The following RRAD variants were observed in gnomAD, a reference collection of about 807,000 sequenced individuals.
The protein encoded by RRAD is GTP-binding protein RAD.
RRAD carries 15 observed loss-of-function variants against 24.7 expected under a neutral mutation model. That is an observed-to-expected ratio of 0.61 (90% CI 0.41 to 0.93). RRAD has a LOEUF of 0.93. Ranked by LOEUF, RRAD falls within the 40% of genes least tolerant of loss-of-function variation. The pLI is 0.00. For missense variants in RRAD, 438 were observed against 452.2 expected (o/e 0.97, Z 0.29); for synonymous variants, 180 against 189.8 (o/e 0.95, Z 0.43).
intron 4 of RRAD, 115 bp from the exon 5 acceptor site, chr16:66,922,468 C>A: frequency 1.8e-6 from 2 of 1,083,592 alleles, no homozygotes; most frequent in Middle Eastern, 3.1e-4. Context: ...AGGTCCTCCC[C>A]GAAAACACAG....
chr16:66,922,185 C>G lies in RRAD; in HGVS notation c.818G>C (p.Ser273Thr), dbSNP rs749623203. ...GAAGCGCTTCGCCTTTTTGCCAAGG[C>G]TCTCTCGCCTCCGGGTGCCTGCTTG... ...RRQAGTRRRE[S>T]LGKKAKRFLG... The change falls in exon 5 of 5, where the codon AGC (serine) becomes ACC (threonine). Residue 273 changes from serine (S) to threonine (T), a missense_variant. By Grantham distance (58) the Ser-to-Thr change is moderately conservative. Coordinates refer to ENST00000299759, the MANE Select transcript of RRAD (RefSeq NM_004165.3). 3 of 1,614,214 alleles carry G rather than the reference C, an allele frequency of 1.9e-6. No individual in the cohort carries two copies. The highest frequency in any genetic ancestry group is 2.5e-6 in the Non-Finnish European group (3 of 1,180,004).
chr16:66,922,212 C>G lies in RRAD; in HGVS notation c.791G>C (p.Arg264Pro). The change falls in exon 5 of 5, where the codon CGG becomes CCG. Residue 264 changes from arginine to proline, a missense_variant. Transcript: ENST00000299759. The stretch of plus-strand genomic sequence containing the variant: ...CTCTCGCCTCCGGGTGCCTGCTTGC[C>G]GTCGTGCGTTGGCTTCTTTGCTGTC... ...RRDSKEANAR[R>P]QAGTRRRESL... 6.2e-7 allele frequency: 1 copy of G among 1,614,242 alleles called. No homozygotes were observed. Among genetic ancestry groups the G allele is most frequent in the Non-Finnish European group, 8.5e-7 (1 of 1,180,020 alleles).
chr16:66,922,215 C>G lies in RRAD; in HGVS notation c.788G>C (p.Arg263Pro). Residue 263 changes from arginine (R) to proline (P), a missense_variant, in exon 5 of 5, where the codon CGA becomes CCA. Coordinates refer to ENST00000299759, the MANE Select transcript of RRAD (RefSeq NM_004165.3). ...TCGCCTCCGGGTGCCTGCTTGCCGT[C>G]GTGCGTTGGCTTCTTTGCTGTCCCT... Reference protein sequence around the residue: ...LRRDSKEANARRQAGTRRRES... With the variant: ...LRRDSKEANAPRQAGTRRRES... 1 of 1,614,234 alleles carries G rather than the reference C, an allele frequency of 6.2e-7. No homozygotes were observed. The highest frequency in any genetic ancestry group is 1.1e-5 in the South Asian group (1 of 91,086).
Position 66,925,148 on chromosome 16 carries a change from C to G in RRAD, c.32G>C (p.Gly11Ala), listed in dbSNP as rs777868365. 9.0e-6 allele frequency: 11 copies of G among 1,227,870 alleles called. No homozygotes were observed. The East Asian group carries it at 3.5e-4, about 39-fold the overall frequency. 76.1% of individuals were successfully genotyped at this position (1,227,870 alleles called of 1,614,324 possible). A position where few individuals can be genotyped will look rare whatever the true frequency, so the allele number is the denominator to read the frequency against. The part of the protein sequence containing the change: MTLNGGGSGA[G>A]GSRGGGQERE... ...CTCCTGGCCCCCACCGCGGCTCCCG[C>G]CCGCTCCGCTGCCGCCGCCGTTCAG... Residue 11 changes from glycine to alanine, a missense_variant, in exon 2 of 5, where the codon GGC becomes GCC. Transcript: ENST00000299759. The surrounding 1 kb of genome is among the most constrained non-coding windows in gnomAD (Gnocchi z 5.2).
Position 66,924,835 on chromosome 16 carries a change from C to A in RRAD, c.345G>T (p.Glu115Asp). 6.3e-7 allele frequency: 1 copy of A among 1,587,434 alleles called. No homozygotes were observed. The highest frequency in any genetic ancestry group is 8.5e-7 in the Non-Finnish European group (1 of 1,171,340). ...CTGCTGCCTCTGCTTCAGGCCCGTCCTCCACACCGCCGAAGATGCGCGCCA... is the reference window on the plus strand; with the variant it reads ...CTGCTGCCTCTGCTTCAGGCCCGTCATCCACACCGCCGAAGATGCGCGCCA... ...SALARIFGGV[E>D]DGPEAEAAGH... is the part of the protein sequence containing the mutation. The change falls in exon 2 of 5, where the codon GAG (glutamate) becomes GAT (aspartate). Residue 115 changes from glutamate to aspartate, a missense_variant. By Grantham distance (45) the Glu-to-Asp change is conservative (BLOSUM62 2). Coordinates refer to ENST00000299759, the MANE Select transcript of RRAD (RefSeq NM_004165.3). This position sits in a 1 kb window ranked among gnomAD's most constrained non-coding sequence, Gnocchi z 4.2.
rs1334485190 is a variant in RRAD at position 66,924,691 on chromosome 16, A to G, written c.370+119T>C. On this transcript the variant is annotated intron_variant, in intron 2 of 4. Transcript: ENST00000299759. The surrounding 1 kb of genome is among the most constrained non-coding windows in gnomAD (Gnocchi z 4.2). ...AAAATAATAATAAAATAATAATAAT[A>G]ATAATAATAACAACAACAACAACTA... 2 of 719,170 alleles carry G rather than the reference A, an allele frequency of 2.8e-6. No individual in the cohort carries two copies. Among genetic ancestry groups the G allele is most frequent in the Non-Finnish European group, 1.9e-6 (1 of 525,710 alleles). 44.5% of individuals were successfully genotyped at this position (719,170 alleles called of 1,614,324 possible). A position where few individuals can be genotyped will look rare whatever the true frequency, so the allele number is the denominator to read the frequency against.
Position 66,921,911 on chromosome 16 carries a change from A to G in RRAD, c.*165T>C. Reference sequence around the variant, plus strand: ...CACTGGCCCCTGAGAGCCACTTCGCAGGGCAGCACTGTCTATCTGTCCATG... The same window carrying G: ...CACTGGCCCCTGAGAGCCACTTCGCGGGGCAGCACTGTCTATCTGTCCATG... On this transcript the variant is annotated 3_prime_UTR_variant, in exon 5 of 5. Coordinates refer to ENST00000299759, the MANE Select transcript of RRAD (RefSeq NM_004165.3). 3.3e-6 allele frequency: 2 copies of G among 610,980 alleles called. No individual in the cohort carries two copies. Among genetic ancestry groups the G allele is most frequent in the South Asian group, 4.6e-5 (2 of 43,536 alleles). The allele number at this position is 610,980 out of a possible 1,614,324, so 37.8% of individuals were successfully genotyped here.
rs758504739 is a variant in RRAD at position 66,921,942 on chromosome 16, G to A, written c.*134C>T. 1.4e-5 allele frequency: 10 copies of A among 717,546 alleles called. No individual in the cohort carries two copies. The highest frequency in any genetic ancestry group is 5.6e-4 in the Middle Eastern group (2 of 3,556). 44.4% of individuals were successfully genotyped at this position (717,546 alleles called of 1,614,324 possible). A position where few individuals can be genotyped will look rare whatever the true frequency, so the allele number is the denominator to read the frequency against. ...GCACTGTCTATCTGTCCATGACCAT[G>A]AGGTTGGGGGTGCCCGGCTGGCAGC... On this transcript the variant is annotated 3_prime_UTR_variant, in exon 5 of 5. Transcript: ENST00000299759.
At position 66,922,081 on chromosome 16, in the gene RRAD, G is replaced by A; in HGVS notation, c.922C>T (p.Leu308Phe). Residue 308 changes from leucine (L) to phenylalanine (F), a missense_variant, in exon 5 of 5, where the codon CTC (leucine) becomes TTC (phenylalanine). By Grantham distance (22) the Leu-to-Phe change is conservative. Transcript: ENST00000299759. ...KSKSCHDLSVL is the reference protein window; with the variant it reads ...KSKSCHDLSVF ...ATAGTGGGAGCGGGTGGGACCTAGAGAACCGAGAGGTCGTGGCAGGACTTG... is the reference window on the plus strand; with the variant it reads ...ATAGTGGGAGCGGGTGGGACCTAGAAAACCGAGAGGTCGTGGCAGGACTTG... The A allele has an allele frequency of 1.2e-6, 2 of 1,605,310 alleles. No individual in the cohort carries two copies. The highest frequency in any genetic ancestry group is 1.7e-6 in the Non-Finnish European group (2 of 1,172,486).
In RRAD at chr16:66,923,655, T is replaced by C. The variant is rs1338249846; in HGVS notation, c.510A>G (p.Ser170=). ...TCTCGAAGCTGCCCTTGTCCGTCAC[T>C]GAGTACACAATGACATAGGCATCCC... ...AMGDAYVIVY[S]VTDKGSFEKA... Residue 170 remains serine, a synonymous_variant, in exon 4 of 5, where the codon TCA becomes TCG. Transcript: ENST00000299759. This position sits in a 1 kb window ranked among gnomAD's most constrained non-coding sequence, Gnocchi z 4.9. The C allele has an allele frequency of 1.2e-6, 2 of 1,614,012 alleles. No individual in the cohort carries two copies. Among genetic ancestry groups the C allele is most frequent in the African/African-American group, 1.3e-5 (1 of 74,910 alleles).
rs1276307158 is a variant in RRAD at position 66,925,034 on chromosome 16, GC to G, written c.145del (p.Ala49ArgfsTer3). 1 of 1,365,158 alleles carries G rather than the reference GC, an allele frequency of 7.3e-7. No individual in the cohort carries two copies. Among genetic ancestry groups the G allele is most frequent in the Non-Finnish European group, 9.5e-7 (1 of 1,055,652 alleles). 84.6% of individuals were successfully genotyped at this position (1,365,158 alleles called of 1,614,324 possible). On this transcript the variant is annotated frameshift_variant, in exon 2 of 5. Coordinates refer to ENST00000299759, the MANE Select transcript of RRAD (RefSeq NM_004165.3). LOFTEE classifies it high-confidence loss of function. This position sits in a 1 kb window ranked among gnomAD's most constrained non-coding sequence, Gnocchi z 5.2. ...CGTCAGGGCACCCGGGGTCAGCGCC[GC>G]CTGCAGGTCGCGCTCGTCCACCGGC... ...SMPVDERDLQ[A>X]ALTPGALTAA...
In RRAD at chr16:66,925,242, G is replaced by C. The variant is rs1212101109; in HGVS notation, c.-15-48C>G. On this transcript the variant is annotated intron_variant, in intron 1 of 4. Coordinates refer to ENST00000299759, the MANE Select transcript of RRAD (RefSeq NM_004165.3). The surrounding 1 kb of genome is among the most constrained non-coding windows in gnomAD (Gnocchi z 5.2). ...GGCCGTGTAAGCCGCGAGGGAGGCG[G>C]GACCCGGGGCGCACCTGCCCAACCC... 1 of 1,212,006 alleles carries C rather than the reference G, an allele frequency of 8.3e-7. No homozygotes were observed. The highest frequency in any genetic ancestry group is 1.0e-6 in the Non-Finnish European group (1 of 974,442). 75.1% of individuals were successfully genotyped at this position (1,212,006 alleles called of 1,614,324 possible). A position where few individuals can be genotyped will look rare whatever the true frequency, so the allele number is the denominator to read the frequency against.
intron 4 of RRAD, among the ~76,000 whole-genome samples, chr16:66,922,820 C>A (rs1320732189): frequency 6.6e-5 from 10 of 152,080 alleles, no homozygotes; most frequent in Non-Finnish European, 1.5e-4. Context: ...GTAGCTGGGA[C>A]TACAGGCGCC....
rs1962923560 is a variant in RRAD at position 66,922,149 on chromosome 16, A to G, written c.854T>C (p.Ile285Thr). 1 of 1,613,940 alleles carries G rather than the reference A, an allele frequency of 6.2e-7. No individual in the cohort carries two copies. The highest frequency in any genetic ancestry group is 1.1e-5 in the South Asian group (1 of 91,084). Residue 285 changes from isoleucine to threonine, a missense_variant, in exon 5 of 5, where the codon ATC becomes ACC. Ile to Thr is a moderately conservative substitution (Grantham distance 89). Coordinates refer to ENST00000299759, the MANE Select transcript of RRAD (RefSeq NM_004165.3). The stretch of plus-strand genomic sequence containing the variant: ...CATCTTGCGGCTGTTACGAGCTACG[A>G]TGCGGCCCAAGAAGCGCTTCGCCTT... ...GKKAKRFLGRIVARNSRKMAF... is the reference protein window; with the variant it reads ...GKKAKRFLGRTVARNSRKMAF...
rs749207864 is a variant in RRAD, at chr16:66,923,968, T to C, written c.371-49A>G. ...GTTACCAGCTGGTTGTCAAAGCCGC[T>C]GCTGCCAGGTTTCCTGTTCTGGCCA... On this transcript the variant is annotated intron_variant, in intron 2 of 4. Coordinates refer to ENST00000299759, the MANE Select transcript of RRAD (RefSeq NM_004165.3). The surrounding 1 kb of genome is among the most constrained non-coding windows in gnomAD (Gnocchi z 4.9). The C allele has an allele frequency of 6.7e-7, 1 of 1,499,856 alleles. No individual in the cohort carries two copies. The highest frequency in any genetic ancestry group is 9.3e-7 in the Non-Finnish European group (1 of 1,075,890). The allele number at this position is 1,499,856 out of a possible 1,614,324, so 92.9% of individuals were successfully genotyped here. A position where few individuals can be genotyped will look rare whatever the true frequency, so the allele number is the denominator to read the frequency against.
rs753902484 is a variant in RRAD at position 66,923,700 on chromosome 16, G to A, written c.465C>T (p.Pro155=). 5.1e-5 allele frequency: 83 copies of A among 1,613,934 alleles called. No homozygotes were observed. The highest frequency in any genetic ancestry group is 3.7e-4 in the South Asian group (34 of 91,084). Residue 155 remains proline, a synonymous_variant, in exon 4 of 5, where the codon CCC becomes CCT. Transcript: ENST00000299759. This position sits in a 1 kb window ranked among gnomAD's most constrained non-coding sequence, Gnocchi z 4.9. ...CATCCCCCATGGCCATGCAGTGGCC[G>A]GGCAACCAGCGGCCCCCGTCCTGGA... ...IWEQDGGRWL[P]GHCMAMGDAY...
rs1962925400 is a variant in RRAD, at chr16:66,922,230, T to TTGGG, written c.772_773insCCCA (p.Lys258ThrfsTer33). ...TGCTTGCCGTCGTGCGTTGGCTTCTTTGCTGTCCCTGCGCAGGCGTATCTG... is the reference window on the plus strand; with the variant it reads ...TGCTTGCCGTCGTGCGTTGGCTTCTTTGGGTGCTGTCCCTGCGCAGGCGTATCTG... On this transcript the variant is annotated frameshift_variant, in exon 5 of 5. Coordinates refer to ENST00000299759, the MANE Select transcript of RRAD (RefSeq NM_004165.3). LOFTEE classifies it high-confidence loss of function. 6.2e-7 allele frequency: 1 copy of TTGGG among 1,614,100 alleles called. No homozygotes were observed. The highest frequency in any genetic ancestry group is 8.5e-7 in the Non-Finnish European group (1 of 1,180,034).
In RRAD at chr16:66,922,275, A is replaced by G; in HGVS notation, c.728T>C (p.Leu243Pro). Residue 243 changes from leucine to proline, a missense_variant, in exon 5 of 5, where the codon CTG becomes CCG. Coordinates refer to ENST00000299759, the MANE Select transcript of RRAD (RefSeq NM_004165.3). ...SAALHHNVQA[L>P]FEGVVRQIRL... Reference sequence around the variant, plus strand: ...TATCTGGCGCACGACACCTTCAAACAGCGCCTGGACATTGTGGTGCAATGC... The same window carrying G: ...TATCTGGCGCACGACACCTTCAAACGGCGCCTGGACATTGTGGTGCAATGC... 6.2e-7 allele frequency: 1 copy of G among 1,613,852 alleles called. No individual in the cohort carries two copies. Among genetic ancestry groups the G allele is most frequent in the South Asian group, 1.1e-5 (1 of 91,084 alleles).
At position 66,924,842 on chromosome 16, in the gene RRAD, C is replaced by T. The variant is rs1223255442; in HGVS notation, c.338G>A (p.Gly113Asp). Reference sequence around the variant, plus strand: ...CTCTGCTTCAGGCCCGTCCTCCACACCGCCGAAGATGCGCGCCAGGGCGCT... The same window carrying T: ...CTCTGCTTCAGGCCCGTCCTCCACATCGCCGAAGATGCGCGCCAGGGCGCT... ...GKSALARIFG[G>D]VEDGPEAEAA... The change falls in exon 2 of 5, where the codon GGT becomes GAT. Residue 113 changes from glycine to aspartate, a missense_variant. Coordinates refer to ENST00000299759, the MANE Select transcript of RRAD (RefSeq NM_004165.3). This position sits in a 1 kb window ranked among gnomAD's most constrained non-coding sequence, Gnocchi z 4.2. 1.9e-6 allele frequency: 3 copies of T among 1,589,002 alleles called. No homozygotes were observed. The highest frequency in any genetic ancestry group is 2.3e-5 in the East Asian group (1 of 44,382).
Sources: gnomAD v4.1 joint callset for allele counts (sites outside exome capture counted in the v4.1 genomes callset) on GRCh38, gnomAD v4.1.1 for gene constraint, Gnocchi (gnomAD v3.1) non-coding constraint, MANE v1.5 for transcripts, NCBI Gene and HGNC (gene_info 2026-07-23, HGNC 2026-07-21) for gene names.